Variants in RNF4 observed in about 807,000 individuals in gnomAD.
RNF4 encodes ring finger protein 4.
A neutral mutation model predicts 24.3 loss-of-function variants in RNF4; 7 were observed. The observed-to-expected ratio is 0.29, with a 90% CI of 0.16 to 0.54. RNF4 has a LOEUF of 0.54. RNF4 is among the 20% of genes least tolerant of loss of function. The pLI is 0.95. For missense variants in RNF4, 209 were observed against 248.5 expected, an observed-to-expected ratio of 0.84 and a Z score of 1.07; for synonymous variants, 83 against 84.3, an observed-to-expected ratio of 0.98 and a Z score of 0.09.
At chr4:2,487,279 T>A (rs186054319) in intron 1 of RNF4, among the ~76,000 whole-genome samples, 22 of 152,178 alleles carry the variant, frequency 1.4e-4, no homozygotes, top group Middle Eastern at 6.8e-3. Context: ...GCTATTTTTT[T>A]AATGTGTTTT....
intron 1 of RNF4, among the ~76,000 whole-genome samples, 169 bp from the exon 2 acceptor site, chr4:2,490,168 T>C (rs568650394): frequency 6.6e-6 from 1 of 152,234 alleles, no homozygotes; most frequent in Admixed American, 6.5e-5. Flanking sequence ...AAGTCCTACA[T>C]GCGACAAGAA....
chr4:2,499,808 A>G (rs1410199281), intron 3 of RNF4, among the ~76,000 whole-genome samples: 2 of 152,060 alleles, frequency 1.3e-5, no homozygotes, highest in Non-Finnish European at 2.9e-5. Context: ...AGTATATATC[A>G]CTGTTATTCT....
At chr4:2,500,813 G>T in intron 4 of RNF4, 75 bp downstream of exon 4, 1 of 1,383,278 alleles carries the variant, frequency 7.2e-7, no homozygotes, top group South Asian at 1.2e-5. Context: ...TGACAGCCTT[G>T]GTCACAGACT....
rs766666433 is a variant in RNF4, at chr4:2,513,752, A to G, written c.506A>G (p.Asn169Ser). 4.3e-5 allele frequency: 70 copies of G among 1,613,864 alleles called. No individual in the cohort carries two copies. Among genetic ancestry groups the G allele is most frequent in the Non-Finnish European group, 5.5e-5 (65 of 1,179,914 alleles). Residue 169 changes from asparagine (N) to serine (S), a missense_variant, in exon 8 of 8, where the codon AAT becomes AGT. Asn to Ser is a conservative substitution (Grantham distance 46). Around this residue, in one of 3 missense-constraint regions of RNF4, gnomAD observed 10 missense variants for 35.0 expected, o/e 0.29. Coordinates refer to ENST00000314289, the MANE Select transcript of RNF4 (RefSeq NM_002938.5). ...CSQCLRDSLKNANTCPTCRKK... is the reference protein window; with the variant it reads ...CSQCLRDSLKSANTCPTCRKK... ...CAGTGCCTCCGTGATTCCCTGAAGA[A>G]TGCTAATACTTGCCCAACTTGTAGG...
At chr4:2,481,605 C>T (rs1229057373) in intron 1 of RNF4, among the ~76,000 whole-genome samples, 1 of 152,168 alleles carries the variant, frequency 6.6e-6, no homozygotes, top group African/African-American at 2.4e-5. Flanking sequence ...TGGACCTCCT[C>T]CTCCTGCTCT....
chr4:2,471,581 C>T (rs1255319456), intron 1 of RNF4, among the ~76,000 whole-genome samples: 3 of 152,180 alleles, frequency 2.0e-5, no homozygotes, highest in African/African-American at 7.2e-5. Context: ...TGAGATAGGC[C>T]AAAAGCTAGG....
chr4:2,512,335 C>A lies in RNF4; in HGVS notation c.215-103C>A. 7.3e-7 allele frequency: 1 copy of A among 1,375,350 alleles called. No homozygotes were observed. The allele number at this position is 1,375,350 out of a possible 1,614,324, so 85.2% of individuals were successfully genotyped here. ...TGGCAGCAGTTTGTCTCTGGGGGTC[C>A]CAGGCAGGGAAGGAAGAGGGTCTTA... On this transcript the variant is annotated intron_variant, in intron 5 of 7. Coordinates refer to ENST00000314289, the MANE Select transcript of RNF4 (RefSeq NM_002938.5). The surrounding 1 kb of genome is among the most constrained non-coding windows in gnomAD (Gnocchi z 4.1).
intron 1 of RNF4, among the ~76,000 whole-genome samples, chr4:2,487,408 C>G (rs2108758714): frequency 6.6e-6 from 1 of 152,298 alleles, no homozygotes; most frequent in Non-Finnish European, 1.5e-5. Context: ...GCCTTAGCCT[C>G]CTACGTAGCT....
chr4:2,508,549 G>A (rs745912943), intron 4 of RNF4, among the ~76,000 whole-genome samples: 1 of 152,120 alleles, frequency 6.6e-6, no homozygotes, highest in Non-Finnish European at 1.5e-5. Flanking sequence ...CCAGGCTGTG[G>A]TCGTTGGTTT....
Position 2,497,003 on chromosome 4 carries a change from T to A in RNF4, c.10-4T>A. 6.3e-7 allele frequency: 1 copy of A among 1,592,106 alleles called. No homozygotes were observed. Among genetic ancestry groups the A allele is most frequent in the Non-Finnish European group, 8.6e-7 (1 of 1,169,290 alleles). ...GTGACTCTTCTTTCCCCCTTGCTAC[T>A]CAGAGAAAGCGTCGTGGTGGAGCAA... On this transcript the variant is annotated splice_region_variant and splice_polypyrimidine_tract_variant and intron_variant, in intron 2 of 7. Transcript: ENST00000314289.
intron 1 of RNF4, 169 bp downstream of exon 1, chr4:2,469,427 A>G (rs1012206646): frequency 1.3e-5 from 2 of 152,096 alleles, no homozygotes; most frequent in Non-Finnish European, 1.5e-5. Context: ...GCGCGGGCGC[A>G]CCGAGCCCGG....
chr4:2,482,788 C>T (rs1243016427), intron 1 of RNF4, among the ~76,000 whole-genome samples: 2 of 152,186 alleles, frequency 1.3e-5, no homozygotes, highest in Admixed American at 1.3e-4. Flanking sequence ...TGCAAACCTT[C>T]AGGGGAGGCC....
intron 2 of RNF4, among the ~76,000 whole-genome samples, chr4:2,495,587 A>T (rs561101810): frequency 6.8e-6 from 1 of 146,294 alleles, no homozygotes; most frequent in African/African-American, 2.5e-5. Context: ...GAGCACGGAA[A>T]CACCAGTGGG....
intron 2 of RNF4, chr4:2,494,795 C>A (rs956217921): frequency 6.6e-6 from 1 of 152,216 alleles, no homozygotes; most frequent in African/African-American, 2.4e-5. Flanking sequence ...AGGCTATGAT[C>A]TAATGCTTGC....
At chr4:2,491,937 G>A (rs1179129756) in intron 2 of RNF4, among the ~76,000 whole-genome samples, 2 of 151,324 alleles carry the variant, frequency 1.3e-5, no homozygotes, top group East Asian at 1.9e-4. Context: ...GGTGGCTTAT[G>A]CCTGTAATCC....
intron 4 of RNF4, among the ~76,000 whole-genome samples, chr4:2,503,825 G>A (rs371267361): frequency 1.3e-5 from 2 of 152,146 alleles, no homozygotes; most frequent in Admixed American, 6.6e-5. Flanking sequence ...TACCAGTTCC[G>A]CCAGGACCTG....
chr4:2,502,336 G>A (rs1735935070), intron 4 of RNF4, among the ~76,000 whole-genome samples: 1 of 152,076 alleles, frequency 6.6e-6, no homozygotes, highest in Non-Finnish European at 1.5e-5. Context: ...GGCTTTTGTT[G>A]GCTGACAAAC....
At chr4:2,489,442 G>A (rs1735514633) in intron 1 of RNF4, among the ~76,000 whole-genome samples, 1 of 152,140 alleles carries the variant, frequency 6.6e-6, no homozygotes, top group African/African-American at 2.4e-5. Context: ...ACTCCATCTC[G>A]TTATGCTACT....
chr4:2,506,712 G>A (rs1310451582), intron 4 of RNF4, among the ~76,000 whole-genome samples: 1 of 151,860 alleles, frequency 6.6e-6, no homozygotes, highest in African/African-American at 2.4e-5. Flanking sequence ...GGACTATAGG[G>A]GTATGTCACC....
Sources: gnomAD v4.1 joint callset for allele counts (sites outside exome capture counted in the v4.1 genomes callset) on GRCh38, gnomAD v4.1.1 for gene constraint, gnomAD v4.1.1 regional missense constraint, Gnocchi (gnomAD v3.1) non-coding constraint, MANE v1.5 for transcripts, NCBI Gene and HGNC (gene_info 2026-07-23, HGNC 2026-07-21) for gene names.